Variants in CDH13 observed in about 807,000 individuals in gnomAD.
CDH13 encodes the protein cadherin 13.
CDH13 carries 24 observed loss-of-function variants against 63.8 expected under a neutral mutation model. That is an observed-to-expected ratio of 0.38 (90% CI 0.27 to 0.53). The LOEUF is 0.53. CDH13 is among the 20% of genes least tolerant of loss of function. CDH13 has a pLI of 0.85. For missense variants in CDH13, 1,049 were observed against 903.1 expected, an observed-to-expected ratio of 1.16 and a Z score of -2.07; for synonymous variants, 503 against 355.3, an observed-to-expected ratio of 1.42 and a Z score of -4.67.
intron 1 of CDH13, among the ~76,000 whole-genome samples, chr16:82,687,943 G>A (rs996969438): frequency 2.0e-5 from 3 of 152,118 alleles, no homozygotes; most frequent in Non-Finnish European, 4.4e-5. Flanking sequence ...ACATGCTTGG[G>A]ACCGCGTTCG....
intron 5 of CDH13, among the ~76,000 whole-genome samples, chr16:83,284,004 C>G (rs2089247751): frequency 6.6e-6 from 1 of 152,158 alleles, no homozygotes; most frequent in African/African-American, 2.4e-5. Context: ...AGACATGTAT[C>G]TTTACACAAG....
chr16:82,902,627 C>T (rs1252001220), intron 2 of CDH13, among the ~76,000 whole-genome samples: 3 of 151,648 alleles, frequency 2.0e-5, no homozygotes, highest in Non-Finnish European at 4.4e-5. Context: ...GCTTGGCCCC[C>T]TACAACTCTA....
chr16:83,547,374 TG>T (rs924723375), intron 7 of CDH13, among the ~76,000 whole-genome samples: 28 of 152,298 alleles, frequency 1.8e-4, no homozygotes, highest in Middle Eastern at 3.4e-3. Context: ...ACTCATGCCA[TG>T]GGGGTTTGGT....
At chr16:83,375,087 G>T (rs1347182760) in intron 6 of CDH13, among the ~76,000 whole-genome samples, 1 of 152,144 alleles carries the variant, frequency 6.6e-6, no homozygotes, top group African/African-American at 2.4e-5. Flanking sequence ...CTTTAATTCT[G>T]TCTGTGCAAG....
intron 13 of CDH13, among the ~76,000 whole-genome samples, chr16:83,794,702 C>G (rs754507790): frequency 1.3e-5 from 2 of 151,918 alleles, no homozygotes; most frequent in African/African-American, 2.4e-5. Flanking sequence ...ACATAGCATG[C>G]TCATAAAATA....
At chr16:83,655,283 C>T (rs1205434043) in intron 8 of CDH13, 1 of 152,232 alleles carries the variant, frequency 6.6e-6, no homozygotes, top group African/African-American at 2.4e-5. Flanking sequence ...GTTTGATCTG[C>T]ACTTGTTCAT....
intron 5 of CDH13, among the ~76,000 whole-genome samples, chr16:83,236,225 A>G (rs2040137580): frequency 1.2e-5 from 1 of 83,584 alleles, no homozygotes; most frequent in African/African-American, 4.9e-5. Flanking sequence ...CCCCTGCAAC[A>G]CACACGCACA....
chr16:83,468,895 C>T (rs1255713960), intron 6 of CDH13, among the ~76,000 whole-genome samples: 1 of 152,214 alleles, frequency 6.6e-6, no homozygotes, highest in African/African-American at 2.4e-5. Context: ...CGCATTAGCC[C>T]AGTGTAAACT....
At chr16:83,244,817 G>C (rs745731254) in intron 5 of CDH13, among the ~76,000 whole-genome samples, 2 of 152,108 alleles carry the variant, frequency 1.3e-5, no homozygotes, top group African/African-American at 4.8e-5. Context: ...ATAAAATGCT[G>C]TCTAATGAGG....
At chr16:82,896,854 C>T (rs932494095) in intron 2 of CDH13, among the ~76,000 whole-genome samples, 1 of 134,140 alleles carries the variant, frequency 7.5e-6, no homozygotes, top group Non-Finnish European at 1.5e-5. Context: ...AGTCTCGGCT[C>T]ACTGCAAGCT....
intron 5 of CDH13, among the ~76,000 whole-genome samples, chr16:83,283,043 T>C (rs2089220140): frequency 6.6e-6 from 1 of 152,216 alleles, no homozygotes; most frequent in African/African-American, 2.4e-5. Flanking sequence ...TGAGATTCTG[T>C]ATTTAGAAGA....
At chr16:82,716,504 C>G (rs917635417) in intron 1 of CDH13, among the ~76,000 whole-genome samples, 9 of 150,906 alleles carry the variant, frequency 6.0e-5, no homozygotes, top group African/African-American at 1.7e-4. Flanking sequence ...AATTATTAAA[C>G]AGTTGTAAAA....
chr16:83,382,241 A>T (rs2091581316), intron 6 of CDH13, among the ~76,000 whole-genome samples: 1 of 152,224 alleles, frequency 6.6e-6, no homozygotes, highest in Non-Finnish European at 1.5e-5. Flanking sequence ...GCACATAATG[A>T]AGACAAAAAT....
intron 2 of CDH13, among the ~76,000 whole-genome samples, chr16:82,927,961 G>A (rs1048860902): frequency 2.6e-5 from 4 of 152,172 alleles, no homozygotes; most frequent in Non-Finnish European, 5.9e-5. Context: ...TCTAGTTGGG[G>A]AGATATATGG....
chr16:82,808,779 C>T (rs568730284), intron 1 of CDH13, among the ~76,000 whole-genome samples: 1 of 152,198 alleles, frequency 6.6e-6, no homozygotes, highest in African/African-American at 2.4e-5. Context: ...AAGCAGTCTT[C>T]CCAAACTTAC....
At position 82,922,432 on chromosome 16, in the gene CDH13, T is replaced by C. The variant is rs9936026; in HGVS notation, c.157+63959T>C. The stretch of plus-strand genomic sequence containing the variant: ...CCAGGGAGTAGAACTCAGATTAGTG[T>C]ATAGAAGTTTCGAAGAAGCAAACAT... On this transcript the variant is annotated intron_variant, in intron 2 of 13. Transcript: ENST00000567109. 9.2e-3 allele frequency among the ~76,000 whole-genome samples: 1,396 copies of C among 152,250 alleles called. 15 individuals carry two copies. Among genetic ancestry groups the C allele is most frequent in the African/African-American group, 0.032 (1,330 of 41,546 alleles).
At chr16:82,831,961 A>C (rs1026767338) in intron 1 of CDH13, among the ~76,000 whole-genome samples, 7 of 152,360 alleles carry the variant, frequency 4.6e-5, no homozygotes, top group African/African-American at 1.7e-4. Flanking sequence ...ACTCATTATC[A>C]CATGGAATAT....
At chr16:82,972,497 G>A (rs966351787) in intron 2 of CDH13, among the ~76,000 whole-genome samples, 3 of 152,276 alleles carry the variant, frequency 2.0e-5, no homozygotes, top group Non-Finnish European at 4.4e-5. Context: ...GCAAGTTGTT[G>A]CTAGCCTTGG....
chr16:83,370,362 T>C (rs1184633097), intron 6 of CDH13, among the ~76,000 whole-genome samples: 1 of 147,454 alleles, frequency 6.8e-6, no homozygotes, highest in African/African-American at 2.5e-5. Context: ...CACTCCAGCC[T>C]GGGTAACACA....
Sources: allele counts gnomAD v4.1 joint callset (sites outside exome capture counted in the v4.1 genomes callset), GRCh38; gene constraint gnomAD v4.1.1; transcripts MANE v1.5; gene names NCBI Gene and HGNC (gene_info 2026-07-23, HGNC 2026-07-21).